TMEM117: variants seen among roughly 807,000 people sequenced by gnomAD.
TMEM117 encodes the protein transmembrane protein 117.
Under a neutral mutation model 52.4 loss-of-function variants are expected in TMEM117, and 27 were observed. The ratio of observed to expected loss-of-function variants is 0.51; its 90% CI spans 0.38 to 0.71. TMEM117 has a LOEUF of 0.71. Ranked by LOEUF, TMEM117 falls within the 30% of genes least tolerant of loss-of-function variation. The probability of loss-of-function intolerance (pLI) is 0.00; values close to 1 mark genes in which losing one functional copy is unlikely to be tolerated. For missense variants in TMEM117, 556 were observed against 630.5 expected (o/e 0.88, Z 1.26); for synonymous variants, 215 against 206.3 (o/e 1.04, Z -0.36).
intron 3 of TMEM117, among the ~76,000 whole-genome samples, chr12:44,117,672 A>T (rs970932965): frequency 2.6e-5 from 4 of 152,172 alleles, no homozygotes; most frequent in African/African-American, 9.7e-5. Context: ...AAGTAATTCT[A>T]GAACAACCTA....
chr12:44,258,346 A>G (rs956360917), intron 5 of TMEM117, among the ~76,000 whole-genome samples: 1 of 152,134 alleles, frequency 6.6e-6, no homozygotes, highest in Non-Finnish European at 1.5e-5. Context: ...CTCATTGAGT[A>G]ATGGCTGTTC....
intron 7 of TMEM117, among the ~76,000 whole-genome samples, chr12:44,382,236 T>G (rs1379309933): frequency 6.6e-6 from 1 of 152,156 alleles, no homozygotes; most frequent in African/African-American, 2.4e-5. Context: ...TGTACATACA[T>G]GAGCACCTTT....
intron 4 of TMEM117, among the ~76,000 whole-genome samples, chr12:44,169,812 G>C (rs1009198004): frequency 6.6e-6 from 1 of 152,124 alleles, no homozygotes; most frequent in South Asian, 2.1e-4. Context: ...TGGAGAGGAC[G>C]TGGAGAAATA....
At chr12:44,042,808 A>ACC (rs1491071177) in intron 3 of TMEM117, among the ~76,000 whole-genome samples, 6 of 128,488 alleles carry the variant, frequency 4.7e-5, no homozygotes, top group African/African-American at 8.8e-5. Flanking sequence ...ACACACACAC[A>ACC]CTTATTAGTT....
chr12:44,338,246 A>G (rs1951368394), intron 6 of TMEM117, among the ~76,000 whole-genome samples: 1 of 152,112 alleles, frequency 6.6e-6, no homozygotes, highest in African/African-American at 2.4e-5. Flanking sequence ...GAAACTGATT[A>G]AAGATTATAC....
intron 3 of TMEM117, among the ~76,000 whole-genome samples, chr12:44,039,621 A>C (rs1653825904): frequency 6.6e-6 from 1 of 151,984 alleles, no homozygotes; most frequent in African/African-American, 2.4e-5. Context: ...TCACAGATTA[A>C]AATTCCCCAA....
intron 3 of TMEM117, among the ~76,000 whole-genome samples, chr12:44,017,946 T>C (rs578221000): frequency 6.6e-6 from 1 of 152,306 alleles, no homozygotes; most frequent in East Asian, 1.9e-4. Flanking sequence ...CTGACAAGTC[T>C]AAGTACTTCT....
intron 3 of TMEM117, among the ~76,000 whole-genome samples, chr12:44,013,284 C>T (rs573627411): frequency 1.5e-4 from 23 of 152,238 alleles, no homozygotes; most frequent in African/African-American, 4.8e-4. Context: ...CCTGCAGCCT[C>T]CCAAAGCGCT....
At chr12:43,994,363 C>T (rs1945994058) in intron 3 of TMEM117, among the ~76,000 whole-genome samples, 1 of 152,106 alleles carries the variant, frequency 6.6e-6, no homozygotes, top group Admixed American at 6.5e-5. Context: ...CATGATTCAA[C>T]AAGAAAAGTC....
intron 5 of TMEM117, among the ~76,000 whole-genome samples, chr12:44,243,779 C>A (rs1385996075): frequency 1.3e-5 from 2 of 151,720 alleles, no homozygotes; most frequent in Non-Finnish European, 2.9e-5. Flanking sequence ...CTTTCCCCAT[C>A]CACCCCCCAC....
intron 6 of TMEM117, among the ~76,000 whole-genome samples, chr12:44,366,631 C>A (rs540939927): frequency 1.3e-5 from 2 of 152,092 alleles, no homozygotes; most frequent in African/African-American, 4.8e-5. Flanking sequence ...GGAAAGCCTG[C>A]CAGTTCAAAT....
chr12:44,254,440 C>G (rs1227666698), intron 5 of TMEM117, among the ~76,000 whole-genome samples: 1 of 151,822 alleles, frequency 6.6e-6, no homozygotes, highest in African/African-American at 2.4e-5. Context: ...ACTCTAAGTA[C>G]CATTTTCATC....
chr12:44,223,018 CTTTTTT>C (rs58604256), intron 5 of TMEM117, among the ~76,000 whole-genome samples: 213 of 139,056 alleles, frequency 1.5e-3, no homozygotes, highest in African/African-American at 5.3e-3. Context: ...AAAACTTTTC[CTTTTTT>C]TTTTTTTTTA....
At chr12:44,161,922 C>G (rs569382847) in intron 4 of TMEM117, among the ~76,000 whole-genome samples, 1 of 152,072 alleles carries the variant, frequency 6.6e-6, no homozygotes, top group Admixed American at 6.6e-5. Context: ...GTAGTGAGGT[C>G]AGATATATAT....
chr12:43,863,786 C>A (rs1943531568), intron 2 of TMEM117, among the ~76,000 whole-genome samples: 2 of 152,230 alleles, frequency 1.3e-5, no homozygotes, highest in South Asian at 4.1e-4. Context: ...GGCCTCAGCG[C>A]CCATTCTGGC....
intron 3 of TMEM117, among the ~76,000 whole-genome samples, chr12:44,106,155 C>T (rs1947950331): frequency 6.6e-6 from 1 of 152,048 alleles, no homozygotes. Flanking sequence ...CAGCAGCTTG[C>T]ACTTCTCTGA....
At chr12:44,166,693 T>C (rs1718331023) in intron 4 of TMEM117, among the ~76,000 whole-genome samples, 1 of 152,188 alleles carries the variant, frequency 6.6e-6, no homozygotes, top group Non-Finnish European at 1.5e-5. Context: ...ATTATATTTA[T>C]TAGTCCTCTA....
chr12:43,886,144 AAAG>A (rs1259371430), intron 2 of TMEM117, among the ~76,000 whole-genome samples: 1 of 152,168 alleles, frequency 6.6e-6, no homozygotes, highest in Non-Finnish European at 1.5e-5. Flanking sequence ...TTGGCAGCAG[AAAG>A]AAGGATTAAT....
intron 3 of TMEM117, among the ~76,000 whole-genome samples, chr12:44,120,034 C>T (rs1281280620): frequency 6.6e-6 from 1 of 151,914 alleles, no homozygotes; most frequent in African/African-American, 2.4e-5. Context: ...GAACTTTAGG[C>T]CTTGAAGAGA....
Sources: gnomAD v4.1 joint callset for allele counts (sites outside exome capture counted in the v4.1 genomes callset) on GRCh38, gnomAD v4.1.1 for gene constraint, MANE v1.5 for transcripts, NCBI Gene and HGNC (gene_info 2026-07-23, HGNC 2026-07-21) for gene names.